The following DNAI4 variants were observed in gnomAD, a reference collection of about 807,000 sequenced individuals.
DNAI4 encodes WD repeat domain 78.
DNAI4 carries 85 observed loss-of-function variants against 105.8 expected under a neutral mutation model. That is an observed-to-expected ratio of 0.80 (90% CI 0.67 to 0.96). The LOEUF is 0.96. Among genes scored for constraint, DNAI4 ranks in the 40% least tolerant of loss-of-function variants. DNAI4 has a pLI of 0.00. For synonymous variants in DNAI4, 352 were observed against 331.5 expected (o/e 1.06, Z -0.67); for missense variants, 1,014 against 1,005.6 (o/e 1.01, Z -0.11).
intron 13 of DNAI4, among the ~76,000 whole-genome samples, chr1:66,832,112 G>A (rs753313891): frequency 6.6e-6 from 1 of 152,184 alleles, no homozygotes; most frequent in South Asian, 2.1e-4. Flanking sequence ...ATTGCCAAAT[G>A]TTCCCTAACG....
chr1:66,840,054 T>A (rs2100473315), intron 9 of DNAI4, among the ~76,000 whole-genome samples: 1 of 152,320 alleles, frequency 6.6e-6, no homozygotes, highest in Middle Eastern at 3.4e-3. Context: ...TGCACACTTG[T>A]AAGGTCACTA....
chr1:66,880,976 A>T (rs1424168272), intron 4 of DNAI4, among the ~76,000 whole-genome samples: 1 of 152,124 alleles, frequency 6.6e-6, no homozygotes, highest in African/African-American at 2.4e-5. Context: ...ACTAAAAGGG[A>T]TGAAGGTACA....
chr1:66,853,460 AGTT>A (rs1646438305), intron 7 of DNAI4, among the ~76,000 whole-genome samples: 1 of 152,190 alleles, frequency 6.6e-6, no homozygotes. Context: ...AGCAAAGGGA[AGTT>A]TTAACCAGGC....
In DNAI4 at chr1:66,814,155, C is replaced by G. The variant is rs774589456; in HGVS notation, c.2522G>C (p.Gly841Ala). The G allele has an allele frequency of 6.3e-7, 1 of 1,589,784 alleles. No homozygotes were observed. Among genetic ancestry groups the G allele is most frequent in the Non-Finnish European group, 8.5e-7 (1 of 1,176,580 alleles). ...TTATGCTGATTGGTTTGACTTGGAT[C>G]CAAGCAAAGTATCCATTATATCTCC... ...GRGDIMDTLL[G>A]SKSNQSA Residue 841 changes from glycine to alanine, a missense_variant, in exon 17 of 17, where the codon GGA (glycine) becomes GCA (alanine). Physicochemically the swap from Gly to Ala is moderately conservative, Grantham distance 60. Coordinates refer to ENST00000371026, the MANE Select transcript of DNAI4 (RefSeq NM_024763.5).
intron 2 of DNAI4, among the ~76,000 whole-genome samples, chr1:66,903,942 T>G (rs1415506974): frequency 1.3e-5 from 2 of 151,868 alleles, no homozygotes; most frequent in African/African-American, 2.4e-5. Flanking sequence ...GGAGAAAATA[T>G]ACATATATAA....
intron 1 of DNAI4, among the ~76,000 whole-genome samples, chr1:66,913,854 C>T (rs1649851655): frequency 6.6e-6 from 1 of 151,956 alleles, no homozygotes; most frequent in Non-Finnish European, 1.5e-5. Context: ...TGGTGGCGGG[C>T]ACCTGTAGTC....
At chr1:66,844,728 GA>G (rs1031977323) in intron 8 of DNAI4, among the ~76,000 whole-genome samples, 5 of 151,672 alleles carry the variant, frequency 3.3e-5, no homozygotes, top group African/African-American at 1.2e-4. Flanking sequence ...AATTACAAAA[GA>G]AAAAAATTGG....
intron 4 of DNAI4, among the ~76,000 whole-genome samples, chr1:66,881,831 C>A (rs1251394580): frequency 3.3e-5 from 5 of 152,150 alleles, no homozygotes; most frequent in Non-Finnish European, 7.3e-5. Context: ...TGTCTCCACC[C>A]AAATCTCATC....
At chr1:66,845,146 GTGCCTT>G (rs1308215707) in intron 8 of DNAI4, among the ~76,000 whole-genome samples, 2 of 120,010 alleles carry the variant, frequency 1.7e-5, no homozygotes, top group Non-Finnish European at 3.5e-5. Context: ...AGCCAAGATC[GTGCCTT>G]TGCACTCCAG....
intron 6 of DNAI4, among the ~76,000 whole-genome samples, chr1:66,869,296 A>G (rs1646793756): frequency 6.6e-6 from 1 of 151,948 alleles, no homozygotes; most frequent in African/African-American, 2.4e-5. Flanking sequence ...GAGTTAATGT[A>G]TAATTCTATT....
chr1:66,892,101 T>C (rs914397288), intron 3 of DNAI4, among the ~76,000 whole-genome samples: 2 of 152,192 alleles, frequency 1.3e-5, no homozygotes, highest in Non-Finnish European at 2.9e-5. Context: ...AATGGAAGAA[T>C]CCAAAAATAA....
At chr1:66,867,408 T>C (rs1390801540) in intron 6 of DNAI4, among the ~76,000 whole-genome samples, 2 of 152,232 alleles carry the variant, frequency 1.3e-5, no homozygotes, top group Non-Finnish European at 2.9e-5. Flanking sequence ...CATTATTGAC[T>C]ATTGAACTTT....
chr1:66,884,199 T>C (rs1647142037), intron 4 of DNAI4, among the ~76,000 whole-genome samples: 1 of 152,258 alleles, frequency 6.6e-6, no homozygotes, highest in South Asian at 2.1e-4. Flanking sequence ...CTACTGTGTG[T>C]ATATACCACA....
intron 8 of DNAI4, among the ~76,000 whole-genome samples, chr1:66,842,142 G>C (rs773343021): frequency 6.6e-6 from 1 of 152,122 alleles, no homozygotes; most frequent in Non-Finnish European, 1.5e-5. Flanking sequence ...ATTTCCTCCA[G>C]GTCTGCTTCT....
At chr1:66,917,308 T>C (rs901048924) in intron 1 of DNAI4, among the ~76,000 whole-genome samples, 6 of 152,234 alleles carry the variant, frequency 3.9e-5, no homozygotes, top group African/African-American at 1.4e-4. Context: ...ATTGTGTCTT[T>C]GATTATGGCT....
intron 6 of DNAI4, among the ~76,000 whole-genome samples, chr1:66,868,632 T>C (rs1447624685): frequency 6.6e-6 from 1 of 152,166 alleles, no homozygotes; most frequent in Non-Finnish European, 1.5e-5. Context: ...GAATCGATAC[T>C]GTTGGCTCTT....
intron 1 of DNAI4, among the ~76,000 whole-genome samples, chr1:66,923,418 C>G (rs922506512): frequency 1.3e-5 from 2 of 152,170 alleles, no homozygotes; most frequent in African/African-American, 4.8e-5. Flanking sequence ...ACCATCGATG[C>G]ATGACTGTAT....
chr1:66,828,957 G>C (rs1053540141), intron 13 of DNAI4, among the ~76,000 whole-genome samples: 43 of 152,114 alleles, frequency 2.8e-4, no homozygotes, highest in African/African-American at 9.9e-4. Flanking sequence ...GGTCACTGTT[G>C]AAAGTTGGGT....
chr1:66,868,243 T>C (rs1057312615), intron 6 of DNAI4, among the ~76,000 whole-genome samples: 1 of 152,240 alleles, frequency 6.6e-6, no homozygotes, highest in African/African-American at 2.4e-5. Flanking sequence ...ATTTTCTTTG[T>C]AATGTTTTGT....
Sources: gnomAD v4.1 joint callset for allele counts (sites outside exome capture counted in the v4.1 genomes callset) on GRCh38, gnomAD v4.1.1 for gene constraint, MANE v1.5 for transcripts, NCBI Gene and HGNC (gene_info 2026-07-23, HGNC 2026-07-21) for gene names.